The following ICE1 variants were observed in gnomAD, a reference collection of about 807,000 sequenced individuals.
The protein encoded by ICE1 is little elongation complex subunit 1.
Under a neutral mutation model 192.7 loss-of-function variants are expected in ICE1, and 64 were observed. The ratio of observed to expected loss-of-function variants is 0.33; its 90% CI spans 0.27 to 0.41. The LOEUF is 0.41. Ranked by LOEUF, ICE1 falls within the 10% of genes least tolerant of loss-of-function variation. ICE1 has a pLI of 1.00. For synonymous variants in ICE1, 1,010 were observed against 984.5 expected, an observed-to-expected ratio of 1.03 and a Z score of -0.49; for missense variants, 2,708 against 2,696.0, an observed-to-expected ratio of 1.00 and a Z score of -0.10.
intron 10 of ICE1, among the ~76,000 whole-genome samples, chr5:5,448,449 ACT>A (rs2111357636): frequency 6.6e-6 from 1 of 152,276 alleles, no homozygotes; most frequent in Non-Finnish European, 1.5e-5. Flanking sequence ...GAGAAGCATA[ACT>A]CTAGAAGGTG....
Position 5,457,567 on chromosome 5 carries a change from A to G in ICE1, c.927A>G (p.Gln309=). 1 of 1,614,006 alleles carries G rather than the reference A, an allele frequency of 6.2e-7. No individual in the cohort carries two copies. The highest frequency in any genetic ancestry group is 8.5e-7 in the Non-Finnish European group (1 of 1,179,886). The change falls in exon 12 of 19, where the codon CAA becomes CAG. Residue 309 remains glutamine (Q), a synonymous_variant. Coordinates refer to ENST00000296564, the MANE Select transcript of ICE1 (RefSeq NM_015325.3). ...ATGGAAATCTTGAGGTTTTAGTACA[A>G]AGTCATCGTGACGGTGGTAGTACTG... ...NENGNLEVLV[Q]SHRDGGSTEF...
At chr5:5,437,056 T>C (rs1286381118) in intron 2 of ICE1, 24 bp from the exon 3 acceptor site, 2 of 1,383,634 alleles carry the variant, frequency 1.4e-6, no homozygotes, top group Non-Finnish European at 1.0e-6. Context: ...AAAAGTAACC[T>C]AATTTTTCTT....
chr5:5,430,517 C>G (rs1737673043), intron 1 of ICE1, among the ~76,000 whole-genome samples: 1 of 152,200 alleles, frequency 6.6e-6, no homozygotes, highest in Admixed American at 6.5e-5. Context: ...GGCAGCTAGA[C>G]AGATATACAA....
intron 18 of ICE1, among the ~76,000 whole-genome samples, chr5:5,488,700 CTTATTATGTTTT>C: frequency 6.6e-6 from 1 of 152,090 alleles, no homozygotes; most frequent in South Asian, 2.1e-4. Context: ...CATTATATCT[CTTATTATGTTTT>C]CTCATTTCCA....
chr5:5,445,667 G>A (rs1185665937), intron 7 of ICE1, among the ~76,000 whole-genome samples: 1 of 151,892 alleles, frequency 6.6e-6, no homozygotes, highest in Non-Finnish European at 1.5e-5. Context: ...GCCCGCCTCA[G>A]CTTCCTAAAG....
rs189610628 is a variant in ICE1 at position 5,444,443 on chromosome 5, C to A, written c.424+117C>A. On this transcript the variant is annotated intron_variant, in intron 7 of 18. Coordinates refer to ENST00000296564, the MANE Select transcript of ICE1 (RefSeq NM_015325.3). ...TTGTTATGGTTTTTGATGGTACATC[C>A]ATGGATGACTGCATCAAGGGGTCTA... The A allele has an allele frequency of 1.3e-4, 91 of 689,992 alleles. No homozygotes were observed. In the African/African-American group the frequency reaches 1.6e-3, roughly 12 times the overall value. The allele number at this position is 689,992 out of a possible 1,614,324, so 42.7% of individuals were successfully genotyped here. A position where few individuals can be genotyped will look rare whatever the true frequency, so the allele number is the denominator to read the frequency against.
At chr5:5,457,156 G>A (rs1034493201) in intron 11 of ICE1, among the ~76,000 whole-genome samples, 176 bp from the exon 12 acceptor site, 1 of 152,120 alleles carries the variant, frequency 6.6e-6, no homozygotes, top group African/African-American at 2.4e-5. Flanking sequence ...TGTATGAAAT[G>A]TATTGATTTT....
chr5:5,457,322 C>T lies in ICE1; in HGVS notation c.692-10C>T, dbSNP rs776230687. ...AAATACCTGATACCTACTTTTGTTCCCCCACATAGAAAAACCTGCCAAAGC... is the reference window on the plus strand; with the variant it reads ...AAATACCTGATACCTACTTTTGTTCTCCCACATAGAAAAACCTGCCAAAGC... On this transcript the variant is annotated splice_polypyrimidine_tract_variant and intron_variant, in intron 11 of 18. Transcript: ENST00000296564. 1 of 1,578,824 alleles carries T rather than the reference C, an allele frequency of 6.3e-7. No individual in the cohort carries two copies. The highest frequency in any genetic ancestry group is 8.6e-7 in the Non-Finnish European group (1 of 1,164,386).
Position 5,461,177 on chromosome 5 carries a change from T to TC in ICE1, c.1844dup (p.Gly616ArgfsTer2), listed in dbSNP as rs769045804. On this transcript the variant is annotated frameshift_variant, in exon 13 of 19. Coordinates refer to ENST00000296564, the MANE Select transcript of ICE1 (RefSeq NM_015325.3). LOFTEE classifies it high-confidence loss of function. Reference sequence around the variant, plus strand: ...ATCACCTGAATCAGAAGATGATGACTCAGGTGATGGAATGGATGTAGCAGG... The same window carrying TC: ...ATCACCTGAATCAGAAGATGATGACTCCAGGTGATGGAATGGATGTAGCAGG... The TC allele has an allele frequency of 6.2e-7, 1 of 1,614,018 alleles. No homozygotes were observed. The highest frequency in any genetic ancestry group is 2.2e-5 in the East Asian group (1 of 44,882).
Position 5,464,777 on chromosome 5 carries a change from G to A in ICE1, c.5443G>A (p.Gly1815Ser), listed in dbSNP as rs748370875. ...AFVKTGSSSG[G>S]DCNQDKSRDL... The stretch of plus-strand genomic sequence containing the variant: ...TGTCAAAACTGGGAGCAGCTCTGGT[G>A]GTGACTGTAACCAAGACAAGTCAAG... Residue 1815 changes from glycine (G) to serine (S), a missense_variant, in exon 13 of 19, where the codon GGT becomes AGT. This residue lies in a region of ICE1 where 2,366 missense variants were observed against 2,276.6 expected (regional missense o/e 1.04). Transcript: ENST00000296564. The surrounding 1 kb of genome is among the most constrained non-coding windows in gnomAD (Gnocchi z 4.0). 6.2e-7 allele frequency: 1 copy of A among 1,613,752 alleles called. No individual in the cohort carries two copies. Among genetic ancestry groups the A allele is most frequent in the South Asian group, 1.1e-5 (1 of 90,970 alleles).
At chr5:5,448,037 T>A (rs1015153798) in intron 10 of ICE1, 140 bp downstream of exon 10, 1 of 612,246 alleles carries the variant, frequency 1.6e-6, no homozygotes, top group Admixed American at 3.1e-5. Flanking sequence ...TATATTATTG[T>A]GTCTTCATTA....
chr5:5,481,742 T>G (rs1402396160), intron 17 of ICE1, among the ~76,000 whole-genome samples: 1 of 152,228 alleles, frequency 6.6e-6, no homozygotes, highest in Admixed American at 6.5e-5. Context: ...TCTCAGAAGA[T>G]GATAATACCT....
chr5:5,462,962 T>C lies in ICE1; in HGVS notation c.3628T>C (p.Leu1210=). Residue 1210 remains leucine, a synonymous_variant, in exon 13 of 19, where the codon TTA becomes CTA. Coordinates refer to ENST00000296564, the MANE Select transcript of ICE1 (RefSeq NM_015325.3). ...GTLSKEMNKE[L]KASEIGEKYR... is the part of the protein sequence containing the mutation. ...CCTAAGTAAAGAAATGAACAAAGAATTAAAGGCAAGTGAAATAGGAGAAAA... is the reference window on the plus strand; with the variant it reads ...CCTAAGTAAAGAAATGAACAAAGAACTAAAGGCAAGTGAAATAGGAGAAAA... 6.2e-7 allele frequency: 1 copy of C among 1,612,888 alleles called. No homozygotes were observed. The highest frequency in any genetic ancestry group is 8.5e-7 in the Non-Finnish European group (1 of 1,179,440).
In ICE1 at chr5:5,461,096, C is replaced by G; in HGVS notation, c.1762C>G (p.Leu588Val). ...RITVSGHFHR[L>V]SRELEKEKED... ...CACAGTTTCTGGCCATTTTCACAGA[C>G]TATCTAGAGAATTGGAAAAGGAAAA... The change falls in exon 13 of 19, where the codon CTA (leucine) becomes GTA (valine). Residue 588 changes from leucine to valine, a missense_variant. Coordinates refer to ENST00000296564, the MANE Select transcript of ICE1 (RefSeq NM_015325.3). 6.2e-7 allele frequency: 1 copy of G among 1,613,996 alleles called. No homozygotes were observed. The highest frequency in any genetic ancestry group is 8.5e-7 in the Non-Finnish European group (1 of 1,179,894).
At position 5,477,168 on chromosome 5, in the gene ICE1, G is replaced by C. The variant is rs562423774; in HGVS notation, c.6520+1089G>C. ...ATTAATTAGAAAGATCTCTTAGACA[G>C]AAAAAACCCTTCAAAAAAATCAATG... On this transcript the variant is annotated intron_variant, in intron 17 of 18. Coordinates refer to ENST00000296564, the MANE Select transcript of ICE1 (RefSeq NM_015325.3). Among the ~76,000 whole-genome samples the C allele has an allele frequency of 5.9e-5, 9 of 151,900 alleles. No homozygotes were observed. The East Asian group carries it at 1.5e-3, about 26-fold the overall frequency.
chr5:5,430,095 C>A (rs1240927598), intron 1 of ICE1, among the ~76,000 whole-genome samples: 1 of 152,170 alleles, frequency 6.6e-6, no homozygotes, highest in Non-Finnish European at 1.5e-5. Context: ...ATCGAGGAAA[C>A]AACCCTTAGT....
rs141686260 is a variant in ICE1 at position 5,437,240 on chromosome 5, G to C, written c.178+126G>C. ...AGTACTTAACAGGCTTCAGTAGGGAGCATGTCTCACAAGCACAGTAAACAG... is the reference window on the plus strand; with the variant it reads ...AGTACTTAACAGGCTTCAGTAGGGACCATGTCTCACAAGCACAGTAAACAG... On this transcript the variant is annotated intron_variant, in intron 3 of 18. Transcript: ENST00000296564. The C allele has an allele frequency of 1.7e-3, 1,117 of 664,046 alleles. 14 individuals are homozygous for C. The African/African-American group carries it at 0.019, about 11-fold the overall frequency. 41.1% of individuals were successfully genotyped at this position (664,046 alleles called of 1,614,324 possible).
rs768685671 is a variant in ICE1 at position 5,462,954 on chromosome 5, A to T, written c.3620A>T (p.Asn1207Ile). The T allele has an allele frequency of 2.0e-5, 32 of 1,612,576 alleles. No homozygotes were observed. Residue 1207 changes from asparagine (N) to isoleucine (I), a missense_variant, in exon 13 of 19, where the codon AAC becomes ATC. Asn to Ile is a moderately radical substitution (Grantham distance 149, BLOSUM62 -3). Transcript: ENST00000296564. ...AAAGGAACCCTAAGTAAAGAAATGA[A>T]CAAAGAATTAAAGGCAAGTGAAATA... The part of the protein sequence containing the change: ...SSKGTLSKEM[N>I]KELKASEIGE...
chr5:5,444,397 C>CT, intron 7 of ICE1, 71 bp downstream of exon 7: 1 of 1,025,750 alleles, frequency 9.7e-7, no homozygotes, highest in Admixed American at 2.2e-5. Flanking sequence ...TGAGGAGGTA[C>CT]TTCTTGATCA....
Sources: gnomAD v4.1 joint callset for allele counts (sites outside exome capture counted in the v4.1 genomes callset) on GRCh38, gnomAD v4.1.1 for gene constraint, gnomAD v4.1.1 regional missense constraint, Gnocchi (gnomAD v3.1) non-coding constraint, MANE v1.5 for transcripts, NCBI Gene and HGNC (gene_info 2026-07-23, HGNC 2026-07-21) for gene names.